C9orf43: variants seen among roughly 807,000 people sequenced by gnomAD.
C9orf43 encodes chromosome 9 open reading frame 43, also known as uncharacterized protein C9orf43.
C9orf43 carries 45 observed loss-of-function variants against 59.1 expected under a neutral mutation model. The observed-to-expected ratio is 0.76, with a 90% CI of 0.60 to 0.98. C9orf43 has a LOEUF of 0.98. C9orf43 is among the 50% of genes least tolerant of loss of function. The pLI, the probability that C9orf43 is intolerant of heterozygous loss-of-function variation, is 0.00. For missense variants in C9orf43, 533 were observed against 554.9 expected (o/e 0.96, Z 0.40); for synonymous variants, 203 against 196.8 (o/e 1.03, Z -0.26).
intron 11 of C9orf43, 137 bp from the exon 12 acceptor site, chr9:113,428,010 C>T: frequency 1.3e-6 from 1 of 765,188 alleles, no homozygotes; most frequent in South Asian, 1.6e-5. Context: ...GAAGGTCTAA[C>T]TACCTTTTAC....
chr9:113,413,562 AT>A lies in C9orf43; in HGVS notation c.70del (p.Cys24AlafsTer36). Reference protein sequence around the residue: ...CGLAVCQHPQCWATIRRIERG... With the variant: ...CGLAVCQHPQXWATIRRIERG... ...GCTTGGCTGTTTGTCAGCACCCACA[AT>A]GCTGGGCAACTATCCGCCGCATTGA... On this transcript the variant is annotated frameshift_variant, in exon 2 of 14. Coordinates refer to ENST00000374165, the MANE Select transcript of C9orf43 (RefSeq NM_001278629.2). LOFTEE classifies it high-confidence loss of function. 6.2e-7 allele frequency: 1 copy of A among 1,614,222 alleles called. No individual in the cohort carries two copies. Among genetic ancestry groups the A allele is most frequent in the Non-Finnish European group, 8.5e-7 (1 of 1,180,034 alleles).
At chr9:113,421,274 T>C in intron 5 of C9orf43, 71 bp downstream of exon 5, 1 of 1,141,716 alleles carries the variant, frequency 8.8e-7, no homozygotes, top group South Asian at 1.2e-5. Flanking sequence ...AGCGTCCTTT[T>C]TGTGATCTCC....
At chr9:113,417,705 A>G (rs1020419401) in intron 3 of C9orf43, among the ~76,000 whole-genome samples, 2 of 152,160 alleles carry the variant, frequency 1.3e-5, no homozygotes, top group African/African-American at 4.8e-5. Context: ...CGAGTTCTAA[A>G]CCATAGGAAT....
At chr9:113,424,967 GA>G (rs1828727490) in intron 8 of C9orf43, 51 bp from the exon 9 acceptor site, 1 of 1,506,546 alleles carries the variant, frequency 6.6e-7, no homozygotes, top group African/African-American at 1.4e-5. Flanking sequence ...TACATTTGGA[GA>G]AAGGGAAAGA....
At chr9:113,417,314 C>G (rs1378777160) in intron 3 of C9orf43, among the ~76,000 whole-genome samples, 1 of 152,224 alleles carries the variant, frequency 6.6e-6, no homozygotes, top group Non-Finnish European at 1.5e-5. Flanking sequence ...CAGTCCCTGA[C>G]ATGCTTATTG....
chr9:113,416,136 C>T (rs572730407), intron 3 of C9orf43, among the ~76,000 whole-genome samples: 1 of 152,372 alleles, frequency 6.6e-6, no homozygotes, highest in East Asian at 1.9e-4. Context: ...TGTCGGAGAC[C>T]AGTCCTTCAT....
At chr9:113,426,160 C>T (rs550587387) in intron 11 of C9orf43, among the ~76,000 whole-genome samples, 2 of 152,246 alleles carry the variant, frequency 1.3e-5, no homozygotes, top group Admixed American at 6.5e-5. Context: ...GCTCTGGGGC[C>T]CCCTAACCTT....
At chr9:113,412,531 A>G (rs1259010217) in intron 1 of C9orf43, among the ~76,000 whole-genome samples, 1 of 152,242 alleles carries the variant, frequency 6.6e-6, no homozygotes. Flanking sequence ...GTTCTTAGGA[A>G]TAAGGTGGTA....
chr9:113,412,508 C>T (rs1221288774), intron 1 of C9orf43, among the ~76,000 whole-genome samples: 1 of 152,168 alleles, frequency 6.6e-6, no homozygotes, highest in African/African-American at 2.4e-5. Context: ...GAAATGGACA[C>T]TGTCCTTAAA....
In C9orf43 at chr9:113,429,468, C is replaced by A; in HGVS notation, c.*82C>A. On this transcript the variant is annotated 3_prime_UTR_variant, in exon 14 of 14. Coordinates refer to ENST00000374165, the MANE Select transcript of C9orf43 (RefSeq NM_001278629.2). ...GGGATGGCTGGTATCCTGAGGGCAG[C>A]AACGTTTCACATAAGGGCAAGAGGA... 1.7e-6 allele frequency: 2 copies of A among 1,163,954 alleles called. No homozygotes were observed. The highest frequency in any genetic ancestry group is 2.5e-6 in the Non-Finnish European group (2 of 797,956). 72.1% of individuals were successfully genotyped at this position (1,163,954 alleles called of 1,614,324 possible). A position where few individuals can be genotyped will look rare whatever the true frequency, so the allele number is the denominator to read the frequency against.
At chr9:113,421,696 G>C (rs1394426998) in intron 5 of C9orf43, among the ~76,000 whole-genome samples, 1 of 152,076 alleles carries the variant, frequency 6.6e-6, no homozygotes, top group Non-Finnish European at 1.5e-5. Flanking sequence ...GAAAGTGTTT[G>C]GTTCTTCTTT....
chr9:113,428,218 A>C lies in C9orf43; in HGVS notation c.1102A>C (p.Lys368Gln). The stretch of plus-strand genomic sequence containing the variant: ...GCAGATGGAAAAAGGAACCACTTCG[A>C]AACAGGTGAGAGTGTACCAAGGCCT... ...QQQMEKGTTSKQDSTERPKMN... is the reference protein window; with the variant it reads ...QQQMEKGTTSQQDSTERPKMN... The change falls in exon 12 of 14, where the codon AAA (lysine) becomes CAA (glutamine). Residue 368 changes from lysine (K) to glutamine (Q), a missense_variant. Physicochemically the swap from Lys to Gln is moderately conservative, Grantham distance 53. Coordinates refer to ENST00000374165, the MANE Select transcript of C9orf43 (RefSeq NM_001278629.2). 1.2e-6 allele frequency: 2 copies of C among 1,614,194 alleles called. No individual in the cohort carries two copies. Among genetic ancestry groups the C allele is most frequent in the Non-Finnish European group, 8.5e-7 (1 of 1,180,006 alleles).
intron 12 of C9orf43, 116 bp from the exon 13 acceptor site, chr9:113,428,784 G>C: frequency 1.2e-6 from 1 of 865,728 alleles, no homozygotes; most frequent in Non-Finnish European, 1.9e-6. Context: ...GTCCCAAGAG[G>C]TGGGTCTCTG....
intron 3 of C9orf43, among the ~76,000 whole-genome samples, chr9:113,414,198 GGTGTTGCCA>G (rs1828276465): frequency 6.6e-6 from 1 of 152,144 alleles, no homozygotes; most frequent in Non-Finnish European, 1.5e-5. Flanking sequence ...CCAATATCAA[GGTGTTGCCA>G]AGACTGTTTG....
At position 113,429,340 on chromosome 9, in the gene C9orf43, A is replaced by G. The variant is rs947792389; in HGVS notation, c.1340A>G (p.Asp447Gly). The G allele has an allele frequency of 6.2e-7, 1 of 1,614,098 alleles. No individual in the cohort carries two copies. The highest frequency in any genetic ancestry group is 1.3e-5 in the African/African-American group (1 of 74,942). Residue 447 changes from aspartate to glycine, a missense_variant, in exon 14 of 14, where the codon GAC becomes GGC. Coordinates refer to ENST00000374165, the MANE Select transcript of C9orf43 (RefSeq NM_001278629.2). ...SELKLLRILQDTDDEDEEDQS... is the reference protein window; with the variant it reads ...SELKLLRILQGTDDEDEEDQS... ...CTCAAACTACTTAGGATTCTTCAGG[A>G]CACTGATGATGAGGATGAGGAGGAC...
chr9:113,413,670 C>T (rs536455879), intron 2 of C9orf43, 26 bp downstream of exon 2: 1 of 1,612,946 alleles, frequency 6.2e-7, no homozygotes, highest in East Asian at 2.2e-5. Context: ...TCTGTCCTCT[C>T]CCTCACGAGG....
At chr9:113,416,682 G>A (rs928653908) in intron 3 of C9orf43, among the ~76,000 whole-genome samples, 1 of 146,164 alleles carries the variant, frequency 6.8e-6, no homozygotes, top group Non-Finnish European at 1.5e-5. Flanking sequence ...TCTTAACTAG[G>A]TTTTTTTTTT....
At chr9:113,421,234 T>C in intron 5 of C9orf43, 31 bp downstream of exon 5, 1 of 1,490,324 alleles carries the variant, frequency 6.7e-7, no homozygotes, top group Non-Finnish European at 9.4e-7. Context: ...TCAGAGGACT[T>C]TGACTCTATA....
intron 13 of C9orf43, 99 bp from the exon 14 acceptor site, chr9:113,429,073 G>A: frequency 1.3e-6 from 2 of 1,499,940 alleles, no homozygotes; most frequent in East Asian, 2.3e-5. Flanking sequence ...CTCTATCTCA[G>A]AGAAGTCCTA....
Sources: gnomAD v4.1 joint callset for allele counts (sites outside exome capture counted in the v4.1 genomes callset) on GRCh38, gnomAD v4.1.1 for gene constraint, MANE v1.5 for transcripts, NCBI Gene and HGNC (gene_info 2026-07-23, HGNC 2026-07-21) for gene names.